Variants in FAT3 observed in about 807,000 individuals in gnomAD.
FAT3 encodes protocadherin Fat 3.
FAT3 carries 95 observed loss-of-function variants against 310.2 expected under a neutral mutation model. That is an observed-to-expected ratio of 0.31 (90% CI 0.26 to 0.36). The LOEUF (loss-of-function observed/expected upper bound fraction) is 0.36, where lower values mean the gene tolerates loss of function less well. FAT3 is among the 10% of genes least tolerant of loss of function. The pLI is 1.00. For synonymous variants in FAT3, 2,314 were observed against 2,192.9 expected (o/e 1.06, Z -1.54); for missense variants, 5,408 against 5,715.6 (o/e 0.95, Z 1.74).
intron 24 of FAT3, among the ~76,000 whole-genome samples, chr11:92,885,067 G>A (rs1016395996): frequency 7.2e-5 from 11 of 152,188 alleles, no homozygotes; most frequent in South Asian, 2.1e-4. Flanking sequence ...CTGTGAAACC[G>A]CCAAGGAGGA....
chr11:92,506,724 TATC>T (rs1186004193), intron 2 of FAT3, among the ~76,000 whole-genome samples: 2 of 152,140 alleles, frequency 1.3e-5, no homozygotes, highest in African/African-American at 4.8e-5. Flanking sequence ...GGGGAAAAAT[TATC>T]ATGATTTTTC....
rs1418976559 is a variant in FAT3 at position 92,894,349 on chromosome 11, G to A, written c.*3236G>A. 3 of 152,116 alleles carry A rather than the reference G, an allele frequency of 2.0e-5. No homozygotes were observed. Among genetic ancestry groups the A allele is most frequent in the African/African-American group, 7.2e-5 (3 of 41,428 alleles). The allele number at this position is 152,116 out of a possible 1,614,324, so 9.4% of individuals were successfully genotyped here. A position where few individuals can be genotyped will look rare whatever the true frequency, so the allele number is the denominator to read the frequency against. ...ACTTTGATTATACTGTTACCTACTGGTTGCATTTTTGGTTTTGGTTTTGCA... is the reference window on the plus strand; with the variant it reads ...ACTTTGATTATACTGTTACCTACTGATTGCATTTTTGGTTTTGGTTTTGCA... On this transcript the variant is annotated 3_prime_UTR_variant, in exon 28 of 28. Transcript: ENST00000525166.
chr11:92,809,889 G>A lies in FAT3; in HGVS notation c.9294G>A (p.Val3098=), dbSNP rs375564345. Residue 3098 remains valine, a synonymous_variant, in exon 13 of 28, where the codon GTG becomes GTA. Transcript: ENST00000525166. ...TGTTGGACCGGGAGAGGATCCCCGT[G>A]TACAGCCTGATGGCCAAGGCCACTG... is the stretch of plus-strand genomic sequence containing the variant. The part of the protein sequence containing the change: ...LALLDRERIP[V]YSLMAKATDG... The A allele has an allele frequency of 1.4e-5, 23 of 1,613,904 alleles. No individual in the cohort carries two copies. The African/African-American group carries it at 2.8e-4, about 20-fold the overall frequency.
At chr11:92,657,468 G>A (rs115386978) in intron 3 of FAT3, among the ~76,000 whole-genome samples, 3 of 152,360 alleles carry the variant, frequency 2.0e-5, no homozygotes, top group Middle Eastern at 3.4e-3. Context: ...AGGTAGCCAA[G>A]TTTATGTGAG....
chr11:92,800,195 T>A lies in FAT3; in HGVS notation c.7182T>A (p.Phe2394Leu). 4 of 1,614,030 alleles carry A rather than the reference T, an allele frequency of 2.5e-6. No homozygotes were observed. Among genetic ancestry groups the A allele is most frequent in the Non-Finnish European group, 3.4e-6 (4 of 1,179,874 alleles). Residue 2394 changes from phenylalanine to leucine, a missense_variant, in exon 10 of 28, where the codon TTT (phenylalanine) becomes TTA (leucine). Around this residue, in one of 5 missense-constraint regions of FAT3, gnomAD observed 4,588 missense variants for 4,809.8 expected, o/e 0.95. Coordinates refer to ENST00000525166, the MANE Select transcript of FAT3 (RefSeq NM_001367949.2). Reference sequence around the variant, plus strand: ...ATGTAAATGACAACCCTCCAGTTTTTAATCAGCTCATTTATGAGTCATATG... The same window carrying A: ...ATGTAAATGACAACCCTCCAGTTTTAAATCAGCTCATTTATGAGTCATATG... ...ISDVNDNPPV[F>L]NQLIYESYVS...
intron 1 of FAT3, among the ~76,000 whole-genome samples, chr11:92,236,923 A>T (rs888233015): frequency 6.6e-6 from 1 of 152,124 alleles, no homozygotes; most frequent in Non-Finnish European, 1.5e-5. Flanking sequence ...TACTTTGTAC[A>T]TGTCTATAAG....
In FAT3 at chr11:92,801,030, G is replaced by A. The variant is rs748934601; in HGVS notation, c.8017G>A (p.Val2673Met). ...KGNFNQLKNT[V>M]LSFFVKAVDG... ...TAATTTTAACCAGCTGAAAAATACA[G>A]TGCTTTCGTTCTTTGTCAAAGCAGT... Residue 2673 changes from valine (V) to methionine (M), a missense_variant, in exon 10 of 28, where the codon GTG (valine) becomes ATG (methionine). By Grantham distance (21) the Val-to-Met change is conservative. This residue lies in a region of FAT3 where 4,588 missense variants were observed against 4,809.8 expected (regional missense o/e 0.95). Transcript: ENST00000525166. 1.9e-6 allele frequency: 3 copies of A among 1,613,784 alleles called. No homozygotes were observed. The highest frequency in any genetic ancestry group is 1.1e-5 in the South Asian group (1 of 91,030).
At chr11:92,463,501 C>T (rs1299509886) in intron 2 of FAT3, among the ~76,000 whole-genome samples, 1 of 152,118 alleles carries the variant, frequency 6.6e-6, no homozygotes, top group East Asian at 1.9e-4. Flanking sequence ...CTACCTCATA[C>T]AGTTTCTGTG....
chr11:92,467,042 C>T (rs1028548729), intron 2 of FAT3, among the ~76,000 whole-genome samples: 8 of 151,974 alleles, frequency 5.3e-5, no homozygotes, highest in Non-Finnish European at 1.0e-4. Context: ...GCAATAAACA[C>T]GTGTGCATGT....
chr11:92,749,595 C>T (rs746821158), intron 4 of FAT3, among the ~76,000 whole-genome samples: 9 of 152,072 alleles, frequency 5.9e-5, no homozygotes, highest in South Asian at 2.1e-4. Context: ...AGGCAGTTTC[C>T]CTTTATCCTG....
At chr11:92,737,792 A>G (rs1477896660) in intron 4 of FAT3, among the ~76,000 whole-genome samples, 4 of 152,126 alleles carry the variant, frequency 2.6e-5, no homozygotes, top group Non-Finnish European at 5.9e-5. Flanking sequence ...TATTACTCAC[A>G]TAATGGATCC....
chr11:92,332,780 A>G (rs1422674600), intron 1 of FAT3, among the ~76,000 whole-genome samples: 1 of 152,132 alleles, frequency 6.6e-6, no homozygotes, highest in African/African-American at 2.4e-5. Flanking sequence ...ACTTAGTAAG[A>G]TACTATTTAT....
intron 3 of FAT3, among the ~76,000 whole-genome samples, chr11:92,629,107 C>A (rs1941450339): frequency 6.6e-6 from 1 of 152,168 alleles, no homozygotes; most frequent in Non-Finnish European, 1.5e-5. Context: ...ATATGAGATA[C>A]CAACTAAAAC....
chr11:92,442,111 ATTTT>A (rs869097021), intron 2 of FAT3, among the ~76,000 whole-genome samples: 7 of 45,222 alleles, frequency 1.5e-4, no homozygotes, highest in African/African-American at 1.3e-3. Flanking sequence ...ATATATATAT[ATTTT>A]TTTTTTTTTT....
At chr11:92,332,542 C>T (rs1310499440) in intron 1 of FAT3, among the ~76,000 whole-genome samples, 1 of 151,926 alleles carries the variant, frequency 6.6e-6, no homozygotes, top group Non-Finnish European at 1.5e-5. Flanking sequence ...TTTTTGGGTT[C>T]TGTCTCTAGT....
intron 1 of FAT3, among the ~76,000 whole-genome samples, chr11:92,312,920 GAAAAC>G (rs1055246426): frequency 1.3e-5 from 2 of 152,010 alleles, no homozygotes; most frequent in Non-Finnish European, 2.9e-5. Flanking sequence ...AAATTCTGGG[GAAAAC>G]AAAACAAAAC....
intron 1 of FAT3, among the ~76,000 whole-genome samples, chr11:92,348,611 G>A (rs187599493): frequency 5.9e-5 from 9 of 152,242 alleles, no homozygotes; most frequent in Admixed American, 5.9e-4. Context: ...ATAAACCACA[G>A]CTCTAAAATT....
intron 2 of FAT3, among the ~76,000 whole-genome samples, chr11:92,463,419 C>T (rs7121018): frequency 0.13 from 19,408 of 152,146 alleles, 2,000 homozygotes; most frequent in African/African-American, 0.28. Context: ...GTCTGTAACC[C>T]TGGGAAACAT....
intron 3 of FAT3, among the ~76,000 whole-genome samples, chr11:92,542,433 C>A (rs1156452927): frequency 6.6e-6 from 1 of 151,416 alleles, no homozygotes; most frequent in Admixed American, 6.6e-5. Context: ...AGCTATGCAT[C>A]TAATAAGGGG....
Sources: gnomAD v4.1 joint callset for allele counts (sites outside exome capture counted in the v4.1 genomes callset) on GRCh38, gnomAD v4.1.1 for gene constraint, gnomAD v4.1.1 regional missense constraint, MANE v1.5 for transcripts, NCBI Gene and HGNC (gene_info 2026-07-23, HGNC 2026-07-21) for gene names.